Variants in VRK2 observed in about 807,000 individuals in gnomAD.
The protein encoded by VRK2 is VRK serine/threonine kinase 2, also known as serine/threonine-protein kinase VRK2.
A neutral mutation model predicts 57.6 loss-of-function variants in VRK2; 60 were observed. The ratio of observed to expected loss-of-function variants is 1.04; its 90% CI spans 0.85 to 1.29. VRK2 has a LOEUF of 1.29. VRK2 is among the 50% of genes most tolerant of loss of function. VRK2 has a pLI of 0.00. For missense variants in VRK2, 705 were observed against 588.1 expected (o/e 1.20, Z -2.06); for synonymous variants, 231 against 199.2 (o/e 1.16, Z -1.35).
intron 1 of VRK2, among the ~76,000 whole-genome samples, chr2:57,969,647 G>A (rs1672031071): frequency 6.6e-6 from 1 of 151,850 alleles, no homozygotes. Context: ...GAAGTTCTAA[G>A]GAAATGAACA....
In VRK2 at chr2:58,087,718, G is replaced by C. The variant is rs555703007; in HGVS notation, c.345-623G>C. Among the ~76,000 whole-genome samples, 42 of 152,308 alleles carry C rather than the reference G, an allele frequency of 2.8e-4. No homozygotes were observed. The South Asian group carries it at 8.7e-3, about 32-fold the overall frequency. Reference sequence around the variant, plus strand: ...TATAAAATTCATGTGGCTGGGCACGGTGGCTCATGCCTGTAATCCCAGCAC... The same window carrying C: ...TATAAAATTCATGTGGCTGGGCACGCTGGCTCATGCCTGTAATCCCAGCAC... On this transcript the variant is annotated intron_variant, in intron 5 of 12. Transcript: ENST00000340157.
intron 1 of VRK2, among the ~76,000 whole-genome samples, chr2:57,992,577 C>G (rs904049856): frequency 5.3e-5 from 8 of 152,064 alleles, no homozygotes; most frequent in Admixed American, 6.5e-5. Flanking sequence ...TCGCCCAGGC[C>G]GGACTGCGGA....
At chr2:58,005,455 G>A (rs935629247) in intron 1 of VRK2, among the ~76,000 whole-genome samples, 8 of 151,734 alleles carry the variant, frequency 5.3e-5, no homozygotes, top group South Asian at 2.1e-4. Context: ...TCTAAATATT[G>A]ATATTTTTAT....
chr2:57,931,134 G>C (rs1016448430), intron 1 of VRK2, among the ~76,000 whole-genome samples: 2 of 152,062 alleles, frequency 1.3e-5, no homozygotes, highest in Admixed American at 1.3e-4. Context: ...TCAGGATAGT[G>C]ATTTTTTTTT....
At chr2:58,100,066 C>T (rs1002299548) in intron 7 of VRK2, among the ~76,000 whole-genome samples, 2 of 151,916 alleles carry the variant, frequency 1.3e-5, no homozygotes, top group African/African-American at 4.8e-5. Flanking sequence ...AGTTGTAATA[C>T]CTGACCTGTA....
At chr2:58,076,856 T>G (rs1670188278) in intron 2 of VRK2, among the ~76,000 whole-genome samples, 1 of 151,988 alleles carries the variant, frequency 6.6e-6, no homozygotes. Flanking sequence ...TTTTGTAACT[T>G]TTAATTTTTA....
At chr2:58,127,003 C>T (rs1401022906) in intron 8 of VRK2, among the ~76,000 whole-genome samples, 1 of 152,024 alleles carries the variant, frequency 6.6e-6, no homozygotes, top group Non-Finnish European at 1.5e-5. Context: ...TTTTTAAATA[C>T]TTCAGACCTG....
chr2:57,951,936 T>A (rs550003115), intron 1 of VRK2, among the ~76,000 whole-genome samples: 1 of 150,068 alleles, frequency 6.7e-6, no homozygotes, highest in South Asian at 2.1e-4. Flanking sequence ...TTTTTTTTTT[T>A]TTTTTTAAGA....
intron 3 of VRK2, chr2:58,033,726 A>G (rs1017587497): frequency 2.0e-5 from 3 of 152,034 alleles, no homozygotes; most frequent in Non-Finnish European, 4.4e-5. Context: ...TGCTTATCAC[A>G]GCAAATTTAT....
chr2:57,982,035 G>A (rs1327328822), intron 1 of VRK2, among the ~76,000 whole-genome samples: 2 of 152,166 alleles, frequency 1.3e-5, no homozygotes, highest in African/African-American at 2.4e-5. Context: ...AATCTTTGAA[G>A]TTTCTGTCTT....
At chr2:57,918,239 T>A (rs1484868331) in intron 1 of VRK2, among the ~76,000 whole-genome samples, 2 of 152,094 alleles carry the variant, frequency 1.3e-5, no homozygotes, top group Non-Finnish European at 2.9e-5. Context: ...CCTTTCCATA[T>A]CCTTGGCTCT....
intron 12 of VRK2, among the ~76,000 whole-genome samples, chr2:58,155,079 T>A (rs545813008): frequency 2.1e-4 from 32 of 152,328 alleles, no homozygotes; most frequent in African/African-American, 7.5e-4. Flanking sequence ...CCAGTTGCAG[T>A]TGAAAAGAAC....
intron 8 of VRK2, among the ~76,000 whole-genome samples, chr2:58,128,847 G>C (rs748221788): frequency 2.6e-5 from 4 of 152,182 alleles, no homozygotes; most frequent in Non-Finnish European, 4.4e-5. Flanking sequence ...AGGCATAGTA[G>C]CGGCTCTCCA....
intron 5 of VRK2, among the ~76,000 whole-genome samples, chr2:58,087,699 A>G (rs548697124): frequency 4.7e-4 from 71 of 152,268 alleles, no homozygotes; most frequent in African/African-American, 1.7e-3. Context: ...CAAATATAAA[A>G]TTCATGTGGC....
chr2:57,941,268 T>G (rs1284686581), intron 1 of VRK2, among the ~76,000 whole-genome samples: 4 of 152,188 alleles, frequency 2.6e-5, no homozygotes, highest in Non-Finnish European at 5.9e-5. Context: ...CAAATTTCAG[T>G]GTTAAAAAAC....
chr2:57,936,730 C>G (rs758935664), intron 1 of VRK2, among the ~76,000 whole-genome samples: 2 of 151,814 alleles, frequency 1.3e-5, no homozygotes, highest in Non-Finnish European at 2.9e-5. Flanking sequence ...TATCCTTATA[C>G]CTACAGAGAA....
At chr2:57,990,513 A>C (rs568816106) in intron 1 of VRK2, among the ~76,000 whole-genome samples, 1 of 152,356 alleles carries the variant, frequency 6.6e-6, no homozygotes, top group African/African-American at 2.4e-5. Flanking sequence ...GCCTTTCAAA[A>C]TGGCACAGCA....
chr2:57,959,522 T>G (rs921765609), intron 1 of VRK2, among the ~76,000 whole-genome samples: 1 of 152,182 alleles, frequency 6.6e-6, no homozygotes. Flanking sequence ...CGAAGCTCCC[T>G]TGGAAAGCTC....
chr2:57,912,734 GAA>G (rs1191093263), intron 1 of VRK2, among the ~76,000 whole-genome samples: 5 of 152,154 alleles, frequency 3.3e-5, no homozygotes, highest in African/African-American at 1.2e-4. Flanking sequence ...TCAAAGGAAA[GAA>G]AGAATTAACT....
Sources: allele counts gnomAD v4.1 joint callset (sites outside exome capture counted in the v4.1 genomes callset), GRCh38; gene constraint gnomAD v4.1.1; transcripts MANE v1.5; gene names NCBI Gene and HGNC (gene_info 2026-07-23, HGNC 2026-07-21).